The following RIN3 variants were observed in gnomAD, a reference collection of about 807,000 sequenced individuals.
RIN3 encodes the protein Ras and Rab interactor 3.
In RIN3, 54 loss-of-function variants were observed where a neutral mutation model predicts 76.3. The ratio of observed to expected loss-of-function variants is 0.71; its 90% confidence interval spans 0.57 to 0.89. RIN3 has a LOEUF of 0.89. Ranked by LOEUF, RIN3 falls within the 40% of genes least tolerant of loss-of-function variation. RIN3 has a pLI of 0.00. For synonymous variants in RIN3, 576 were observed against 564.0 expected (o/e 1.02, Z -0.30); for missense variants, 1,256 against 1,322.1 (o/e 0.95, Z 0.78).
At chr14:92,663,849 A>C (rs1887972815) in intron 7 of RIN3, among the ~76,000 whole-genome samples, 1 of 152,192 alleles carries the variant, frequency 6.6e-6, no homozygotes, top group African/African-American at 2.4e-5. Context: ...AATGAGGGTG[A>C]TACACTTGTC....
chr14:92,553,552 C>G (rs573685020), intron 1 of RIN3, among the ~76,000 whole-genome samples: 214 of 152,224 alleles, frequency 1.4e-3, no homozygotes, highest in African/African-American at 4.5e-3. Flanking sequence ...ACCCCGCCCC[C>G]ACCAGCCCCA....
chr14:92,526,458 T>TA (rs1454654929), intron 1 of RIN3, among the ~76,000 whole-genome samples: 6 of 144,918 alleles, frequency 4.1e-5, no homozygotes, highest in Admixed American at 6.9e-5. Flanking sequence ...GACCCTGTCT[T>TA]AAAAAAAATA....
At chr14:92,548,691 C>T (rs1897343205) in intron 1 of RIN3, among the ~76,000 whole-genome samples, 1 of 152,150 alleles carries the variant, frequency 6.6e-6, no homozygotes, top group South Asian at 2.1e-4. Flanking sequence ...CTCTCTGTGC[C>T]TTTCCTTCTT....
chr14:92,631,680 A>C (rs943749848), intron 4 of RIN3, among the ~76,000 whole-genome samples: 1 of 151,898 alleles, frequency 6.6e-6, no homozygotes. Context: ...GGCTCACTGC[A>C]TCCTCCACCT....
chr14:92,529,048 A>G (rs535464737), intron 1 of RIN3, among the ~76,000 whole-genome samples: 34 of 151,966 alleles, frequency 2.2e-4, no homozygotes, highest in Non-Finnish European at 4.4e-4. Flanking sequence ...TCCTGGTTCA[A>G]ATGCTACAGC....
At chr14:92,678,570 A>C (rs1888559704) in intron 8 of RIN3, among the ~76,000 whole-genome samples, 1 of 137,502 alleles carries the variant, frequency 7.3e-6, no homozygotes, top group Non-Finnish European at 1.6e-5. Flanking sequence ...ATATTTGCCC[A>C]CCCTCCACAT....
At chr14:92,651,508 A>AC in intron 5 of RIN3, 74 bp from the exon 6 acceptor site, 1 of 371,968 alleles carries the variant, frequency 2.7e-6, no homozygotes, top group Non-Finnish European at 5.2e-6. Flanking sequence ...GACCCCGCCC[A>AC]CAGACCCCGC....
At chr14:92,583,682 A>C (rs187934679) in intron 3 of RIN3, among the ~76,000 whole-genome samples, 4 of 152,372 alleles carry the variant, frequency 2.6e-5, no homozygotes, top group African/African-American at 7.2e-5. Flanking sequence ...AATGATTTAA[A>C]GCAGAGCTCC....
chr14:92,583,662 G>A (rs929661475), intron 3 of RIN3, among the ~76,000 whole-genome samples: 2 of 152,210 alleles, frequency 1.3e-5, no homozygotes, highest in Non-Finnish European at 2.9e-5. Context: ...GGTATTAGAA[G>A]TAACCTAGAA....
chr14:92,670,372 C>T lies in RIN3; in HGVS notation c.2336-6103C>T, dbSNP rs183644142. 4.6e-5 allele frequency among the ~76,000 whole-genome samples: 7 copies of T among 152,280 alleles called. No individual in the cohort carries two copies. In the East Asian group the frequency reaches 5.8e-4, roughly 13 times the overall value. ...GCATTTGAATGCACAGCCAAATGGG[C>T]GTGATCTCTGGTCCACCCAAGACAG... is the stretch of plus-strand genomic sequence containing the variant. On this transcript the variant is annotated intron_variant, in intron 7 of 9. Transcript: ENST00000216487.
chr14:92,684,871 G>A lies in RIN3; in HGVS notation c.2468-116G>A, dbSNP rs1368279044. Reference sequence around the variant, plus strand: ...TGTTGAAGCAGGTGTTTGCAGATGTGCCTCAAGCAGAGGTGGTGGGCGGGG... The same window carrying A: ...TGTTGAAGCAGGTGTTTGCAGATGTACCTCAAGCAGAGGTGGTGGGCGGGG... On this transcript the variant is annotated intron_variant, in intron 8 of 9. Coordinates refer to ENST00000216487, the MANE Select transcript of RIN3 (RefSeq NM_024832.5). 3 of 1,091,312 alleles carry A rather than the reference G, an allele frequency of 2.7e-6. No individual in the cohort carries two copies. The East Asian group carries it at 7.2e-5, about 26-fold the overall frequency. The allele number at this position is 1,091,312 out of a possible 1,614,324, so 67.6% of individuals were successfully genotyped here. A position where few individuals can be genotyped will look rare whatever the true frequency, so the allele number is the denominator to read the frequency against.
intron 1 of RIN3, among the ~76,000 whole-genome samples, chr14:92,548,673 A>G (rs1897342575): frequency 2.0e-5 from 3 of 151,988 alleles, no homozygotes; most frequent in Non-Finnish European, 4.4e-5. Context: ...CACGGACCTC[A>G]TCTGTGTCTC....
chr14:92,529,843 G>A (rs1317368786), intron 1 of RIN3, among the ~76,000 whole-genome samples: 1 of 152,202 alleles, frequency 6.6e-6, no homozygotes, highest in Non-Finnish European at 1.5e-5. Context: ...ATGTGTGTTA[G>A]ATAAGCCTTA....
At position 92,555,922 on chromosome 14, in the gene RIN3, G is replaced by T. The variant is rs1435660578; in HGVS notation, c.216G>T (p.Glu72Asp). ...VWLQLSLGQAEVARILHRVVA... is the reference protein window; with the variant it reads ...VWLQLSLGQADVARILHRVVA... Reference sequence around the variant, plus strand: ...TGCAGCTGAGTCTGGGCCAGGCAGAGGTGGCCAGGATCCTGCACCGGGTGG... The same window carrying T: ...TGCAGCTGAGTCTGGGCCAGGCAGATGTGGCCAGGATCCTGCACCGGGTGG... The change falls in exon 2 of 10, where the codon GAG becomes GAT. Residue 72 changes from glutamate (E) to aspartate (D), a missense_variant. Around this residue, in one of 3 missense-constraint regions of RIN3, gnomAD observed 610 missense variants for 626.4 expected, o/e 0.97. Coordinates refer to ENST00000216487, the MANE Select transcript of RIN3 (RefSeq NM_024832.5). 11 of 1,613,464 alleles carry T rather than the reference G, an allele frequency of 6.8e-6. No individual in the cohort carries two copies. The highest frequency in any genetic ancestry group is 6.8e-6 in the Non-Finnish European group (8 of 1,180,022).
intron 8 of RIN3, among the ~76,000 whole-genome samples, chr14:92,683,027 C>A (rs1030142825): frequency 2.0e-5 from 3 of 152,016 alleles, no homozygotes; most frequent in African/African-American, 7.2e-5. Flanking sequence ...GTTAGCCAGG[C>A]GTGGTGGTGC....
chr14:92,556,086 A>G (rs1897572277), intron 2 of RIN3, 131 bp downstream of exon 2: 3 of 771,576 alleles, frequency 3.9e-6, no homozygotes, highest in Admixed American at 5.0e-5. Context: ...TCCCTTTCCT[A>G]CATTTGTCAG....
intron 8 of RIN3, among the ~76,000 whole-genome samples, chr14:92,678,642 T>C (rs1402424030): frequency 6.7e-6 from 1 of 150,154 alleles, no homozygotes; most frequent in Non-Finnish European, 1.5e-5. Flanking sequence ...CACACACCCA[T>C]TCATCTACCA....
intron 3 of RIN3, among the ~76,000 whole-genome samples, chr14:92,592,885 G>A (rs1885034022): frequency 6.6e-6 from 1 of 151,862 alleles, no homozygotes; most frequent in Admixed American, 6.6e-5. Flanking sequence ...TGTTGGCCAG[G>A]CTGGTCTCGA....
At chr14:92,601,901 T>A (rs1213656094) in intron 3 of RIN3, among the ~76,000 whole-genome samples, 2 of 152,388 alleles carry the variant, frequency 1.3e-5, no homozygotes, top group East Asian at 3.9e-4. Flanking sequence ...AAGTCCTGGC[T>A]GCATTGTGAC....
Sources: allele counts gnomAD v4.1 joint callset (sites outside exome capture counted in the v4.1 genomes callset), GRCh38; gene constraint gnomAD v4.1.1; regional missense constraint gnomAD v4.1.1; transcripts MANE v1.5; gene names NCBI Gene and HGNC (gene_info 2026-07-23, HGNC 2026-07-21).